Variants in STARD3NL observed in about 807,000 individuals in gnomAD.
STARD3NL encodes STARD3 N-terminal like.
In STARD3NL, 17 loss-of-function variants were observed where a neutral mutation model predicts 30.9. The ratio of observed to expected loss-of-function variants is 0.55; its 90% confidence interval spans 0.38 to 0.82. The LOEUF is 0.82. STARD3NL is among the 40% of genes least tolerant of loss of function. The pLI, the probability that STARD3NL is intolerant of heterozygous loss-of-function variation, is 0.00. For synonymous variants in STARD3NL, 112 were observed against 100.5 expected (o/e 1.11, Z -0.69); for missense variants, 234 against 277.6 (o/e 0.84, Z 1.12).
At position 38,215,228 on chromosome 7, in the gene STARD3NL, G is replaced by A. The variant is rs1786035308; in HGVS notation, c.381+123G>A. 6.3e-5 allele frequency: 53 copies of A among 846,254 alleles called. No individual in the cohort carries two copies. In the South Asian group the frequency reaches 7.5e-4, roughly 12 times the overall value. 52.4% of individuals were successfully genotyped at this position (846,254 alleles called of 1,614,324 possible). ...CAGGTGGAATCCCACCAGCTTTCCT[G>A]AGTCCCGTTTCCTCCATACTTAAGT... On this transcript the variant is annotated intron_variant, in intron 4 of 8. Transcript: ENST00000009041.
rs116070610 is a variant in STARD3NL at position 38,213,114 on chromosome 7, A to G, written c.226-1243A>G. 6.1e-3 allele frequency among the ~76,000 whole-genome samples: 929 copies of G among 152,246 alleles called. 10 individuals are homozygous for G. The highest frequency in any genetic ancestry group is 0.022 in the African/African-American group (896 of 41,530). ...CCAGGAATAGCAAGGGGAGGTCTCT[A>G]TGTGGTAGAGAACTCCTGTTTGCTG... On this transcript the variant is annotated intron_variant, in intron 2 of 8. Transcript: ENST00000009041.
At chr7:38,212,793 G>A (rs924795287) in intron 2 of STARD3NL, among the ~76,000 whole-genome samples, 1 of 152,136 alleles carries the variant, frequency 6.6e-6, no homozygotes, top group Non-Finnish European at 1.5e-5. Flanking sequence ...ATCATCCCCA[G>A]TATGCAAAGA....
At chr7:38,179,161 G>T (rs1213814037) in intron 1 of STARD3NL, 1 of 152,220 alleles carries the variant, frequency 6.6e-6, no homozygotes, top group Admixed American at 6.5e-5. Context: ...CAAGTAACGG[G>T]TCTAATTAAA....
chr7:38,213,782 A>C (rs1785945566), intron 2 of STARD3NL, among the ~76,000 whole-genome samples: 1 of 152,256 alleles, frequency 6.6e-6, no homozygotes, highest in Non-Finnish European at 1.5e-5. Flanking sequence ...TGAGTCTAGT[A>C]CTGTCCTTAT....
At chr7:38,197,152 C>CTTTCTTTCTTTCTTTCTTTCTT (rs1784947840) in intron 1 of STARD3NL, among the ~76,000 whole-genome samples, 1 of 144,012 alleles carries the variant, frequency 6.9e-6, no homozygotes, top group Non-Finnish European at 1.5e-5. Context: ...TTCTTTCTTT[C>CTTTCTTTCTTTCTTTCTTTCTT]TTTCTTTCTT....
At chr7:38,227,576 G>T (rs1049141123) in intron 7 of STARD3NL, among the ~76,000 whole-genome samples, 3 of 152,132 alleles carry the variant, frequency 2.0e-5, no homozygotes, top group African/African-American at 7.2e-5. Context: ...TATCTAACAA[G>T]GTTCAGGCGT....
chr7:38,225,185 TTTAA>T (rs948886300), intron 7 of STARD3NL, among the ~76,000 whole-genome samples: 3 of 152,208 alleles, frequency 2.0e-5, no homozygotes, highest in African/African-American at 7.2e-5. Context: ...TTGCCATATT[TTTAA>T]TTGTGTTTTC....
At chr7:38,228,942 G>A in intron 8 of STARD3NL, 71 bp downstream of exon 8, 1 of 1,126,448 alleles carries the variant, frequency 8.9e-7, no homozygotes, top group South Asian at 1.4e-5. Context: ...TAGAGTCAAA[G>A]TAGAATTCAA....
At chr7:38,192,856 C>T (rs947670251) in intron 1 of STARD3NL, among the ~76,000 whole-genome samples, 6 of 146,022 alleles carry the variant, frequency 4.1e-5, no homozygotes, top group Admixed American at 7.1e-5. Context: ...CCCTGAAGAT[C>T]GGGCGCACAC....
intron 7 of STARD3NL, among the ~76,000 whole-genome samples, chr7:38,221,241 A>G (rs1249592967): frequency 6.6e-6 from 1 of 152,168 alleles, no homozygotes; most frequent in Non-Finnish European, 1.5e-5. Context: ...AAAATTGCTA[A>G]CACTTTTTTA....
intron 1 of STARD3NL, among the ~76,000 whole-genome samples, chr7:38,183,626 A>G (rs972071832): frequency 6.6e-6 from 1 of 152,208 alleles, no homozygotes; most frequent in African/African-American, 2.4e-5. Context: ...AAAGATTACC[A>G]ATTTAGTTAA....
intron 7 of STARD3NL, among the ~76,000 whole-genome samples, chr7:38,226,433 A>G (rs934417618): frequency 2.0e-5 from 3 of 152,192 alleles, no homozygotes. Context: ...CTGATTAGGC[A>G]GAGCCTAGCT....
At position 38,230,368 on chromosome 7, in the gene STARD3NL, C is replaced by G. The variant is rs150802710; in HGVS notation, c.*463C>G. On this transcript the variant is annotated 3_prime_UTR_variant, in exon 9 of 9. Coordinates refer to ENST00000009041, the MANE Select transcript of STARD3NL (RefSeq NM_032016.4). ...GTTTTTTAACTCATGCACATGTGCT[C>G]TTTGTACAGTTTTAAAAAGTGTAAT... 1.6e-4 allele frequency: 24 copies of G among 152,630 alleles called. No homozygotes were observed. The highest frequency in any genetic ancestry group is 5.8e-4 in the African/African-American group (24 of 41,524). The allele number at this position is 152,630 out of a possible 1,614,324, so 9.5% of individuals were successfully genotyped here. A position where few individuals can be genotyped will look rare whatever the true frequency, so the allele number is the denominator to read the frequency against.
intron 6 of STARD3NL, among the ~76,000 whole-genome samples, chr7:38,219,106 G>A (rs146400633): frequency 2.6e-4 from 40 of 152,278 alleles, no homozygotes; most frequent in African/African-American, 8.7e-4. Context: ...AAGTGCAGTG[G>A]CACAATCATG....
At position 38,186,447 on chromosome 7, in the gene STARD3NL, A is replaced by G. The variant is rs144253827; in HGVS notation, c.-59+8027A>G. ...ACCTTATTAGTCTCCTAAAGGAAAAATTGGGTTACAAATAGCTCTATGACC... is the reference window on the plus strand; with the variant it reads ...ACCTTATTAGTCTCCTAAAGGAAAAGTTGGGTTACAAATAGCTCTATGACC... On this transcript the variant is annotated intron_variant, in intron 1 of 8. Transcript: ENST00000009041. Among the ~76,000 whole-genome samples, 1,183 of 152,310 alleles carry G rather than the reference A, an allele frequency of 7.8e-3. 13 individuals carry two copies. The highest frequency in any genetic ancestry group is 0.028 in the African/African-American group (1,151 of 41,566).
chr7:38,191,416 T>A (rs1481327278), intron 1 of STARD3NL, among the ~76,000 whole-genome samples: 3 of 152,174 alleles, frequency 2.0e-5, no homozygotes, highest in Non-Finnish European at 1.5e-5. Flanking sequence ...GCCTACACAA[T>A]TTTTTTAATG....
intron 1 of STARD3NL, among the ~76,000 whole-genome samples, chr7:38,193,157 A>G (rs1215434035): frequency 1.3e-5 from 2 of 152,148 alleles, no homozygotes; most frequent in African/African-American, 4.8e-5. Flanking sequence ...ACCAATCAAA[A>G]TGTACATAAT....
At chr7:38,190,625 C>CT (rs1784646843) in intron 1 of STARD3NL, among the ~76,000 whole-genome samples, 1 of 152,186 alleles carries the variant, frequency 6.6e-6, no homozygotes, top group Non-Finnish European at 1.5e-5. Context: ...TAAGGGCACT[C>CT]TCCTGCATAA....
chr7:38,197,154 T>TTCTTTCTTTCTTTC (rs1784949062), intron 1 of STARD3NL, among the ~76,000 whole-genome samples: 1 of 144,940 alleles, frequency 6.9e-6, no homozygotes, highest in African/African-American at 2.6e-5. Flanking sequence ...CTTTCTTTCT[T>TTCTTTCTTTCTTTC]TCTTTCTTTC....
Sources: allele counts gnomAD v4.1 joint callset (sites outside exome capture counted in the v4.1 genomes callset), GRCh38; gene constraint gnomAD v4.1.1; transcripts MANE v1.5; gene names NCBI Gene and HGNC (gene_info 2026-07-23, HGNC 2026-07-21).